Variants in CDK10 observed in about 807,000 individuals in gnomAD.
The protein encoded by CDK10 is cyclin-dependent kinase 10.
CDK10 carries 55 observed loss-of-function variants against 51.0 expected under a neutral mutation model. The observed-to-expected ratio is 1.08, with a 90% CI of 0.87 to 1.35. The LOEUF (loss-of-function observed/expected upper bound fraction) is 1.35. CDK10 is among the 40% of genes most tolerant of loss of function. The pLI is 0.00. For missense variants in CDK10, 589 were observed against 485.1 expected (o/e 1.21, Z -2.01); for synonymous variants, 255 against 199.1 (o/e 1.28, Z -2.36).
Position 89,696,239 on chromosome 16 carries a change from T to G in CDK10, c.*547T>G. ...TACCCCGAGACTACCAGGAGAGCCC[T>G]GGGCTGGAGGCTGAGCTGCATCCCT... On this transcript the variant is annotated 3_prime_UTR_variant, in exon 13 of 13. Transcript: ENST00000353379. 1 of 250,358 alleles carries G rather than the reference T, an allele frequency of 4.0e-6. No homozygotes were observed. Among genetic ancestry groups the G allele is most frequent in the Non-Finnish European group, 7.9e-6 (1 of 127,154 alleles). The allele number at this position is 250,358 out of a possible 1,614,324, so 15.5% of individuals were successfully genotyped here.
intron 5 of CDK10, chr16:89,692,132 G>GC: frequency 1.8e-6 from 1 of 569,532 alleles, no homozygotes; most frequent in Non-Finnish European, 3.1e-6. Flanking sequence ...GGAGCAGGCA[G>GC]CCCCGGGGCT....
intron 3 of CDK10, among the ~76,000 whole-genome samples, chr16:89,690,922 G>A (rs1024704853): frequency 1.3e-5 from 2 of 152,016 alleles, no homozygotes; most frequent in Admixed American, 6.6e-5. Flanking sequence ...GCAGGGCCCT[G>A]CCATGCCCCA....
intron 5 of CDK10, 166 bp downstream of exon 5, chr16:89,692,053 G>T: frequency 1.6e-6 from 1 of 640,196 alleles, no homozygotes; most frequent in Non-Finnish European, 2.7e-6. Context: ...CTGTGGTGGG[G>T]GCATCTGCTG....
Position 89,695,933 on chromosome 16 carries a change from T to C in CDK10, c.*241T>C. On this transcript the variant is annotated 3_prime_UTR_variant, in exon 13 of 13. Coordinates refer to ENST00000353379, the MANE Select transcript of CDK10 (RefSeq NM_052988.5). Reference sequence around the variant, plus strand: ...ACCCTGGAAGGGCAGGTCTGGCGGCTCCATCCGTGGCTGCAGGGGTCTCAT... The same window carrying C: ...ACCCTGGAAGGGCAGGTCTGGCGGCCCCATCCGTGGCTGCAGGGGTCTCAT... 3 of 766,118 alleles carry C rather than the reference T, an allele frequency of 3.9e-6. No homozygotes were observed. Among genetic ancestry groups the C allele is most frequent in the Non-Finnish European group, 6.4e-6 (3 of 467,904 alleles). The allele number at this position is 766,118 out of a possible 1,614,324, so 47.5% of individuals were successfully genotyped here.
intron 6 of CDK10, 84 bp downstream of exon 6, chr16:89,692,600 G>C: frequency 2.9e-6 from 3 of 1,022,736 alleles, no homozygotes; most frequent in Non-Finnish European, 4.2e-6. Context: ...TAAAAGCTCA[G>C]GGGTTCCCAG....
At chr16:89,694,502 G>T in intron 9 of CDK10, 163 bp from the exon 10 acceptor site, 2 of 1,319,286 alleles carry the variant, frequency 1.5e-6, no homozygotes, top group Non-Finnish European at 2.1e-6. Flanking sequence ...CGGGGCCCAG[G>T]AGGGGAGCCA....
At chr16:89,691,076 G>A (rs529601139) in intron 3 of CDK10, among the ~76,000 whole-genome samples, 1 of 152,226 alleles carries the variant, frequency 6.6e-6, no homozygotes, top group Admixed American at 6.5e-5. Context: ...ACCTGAGGTC[G>A]GCAGTTCAAG....
intron 1 of CDK10, 33 bp from the exon 2 acceptor site, chr16:89,689,219 A>C (rs746211058): frequency 1.2e-6 from 2 of 1,610,022 alleles, no homozygotes; most frequent in Non-Finnish European, 1.7e-6. Flanking sequence ...TCAGCTGCCA[A>C]ATTTCCACAC....
Position 89,693,537 on chromosome 16 carries a change from C to T in CDK10, c.608+70C>T, listed in dbSNP as rs144796155. ...CTGGTGGAGGTCTCCTTGGGGATGT[C>T]AGGCCGAAGCTGCAACTGGCCTTGG... On this transcript the variant is annotated intron_variant, in intron 8 of 12. Transcript: ENST00000353379. 99 of 1,479,624 alleles carry T rather than the reference C, an allele frequency of 6.7e-5. 3 individuals are homozygous for T. The African/African-American group carries it at 1.2e-3, about 17-fold the overall frequency. 91.7% of individuals were successfully genotyped at this position (1,479,624 alleles called of 1,614,324 possible). A position where few individuals can be genotyped will look rare whatever the true frequency, so the allele number is the denominator to read the frequency against.
Position 89,694,088 on chromosome 16 carries a change from A to C in CDK10, c.609-85A>C. On this transcript the variant is annotated intron_variant, in intron 8 of 12. Coordinates refer to ENST00000353379, the MANE Select transcript of CDK10 (RefSeq NM_052988.5). ...TTGGGACAGGTTTCCAGGCCACCAC[A>C]GGCTCTCGGGGAGGCTGTGTCCTGT... 2.2e-6 allele frequency: 3 copies of C among 1,392,262 alleles called. No individual in the cohort carries two copies. The South Asian group carries it at 3.5e-5, about 16-fold the overall frequency. 86.2% of individuals were successfully genotyped at this position (1,392,262 alleles called of 1,614,324 possible). A position where few individuals can be genotyped will look rare whatever the true frequency, so the allele number is the denominator to read the frequency against.
chr16:89,690,612 AAGG>A lies in CDK10; in HGVS notation c.223_225del (p.Glu75del). On this transcript the variant is annotated inframe_deletion, in exon 3 of 13. Transcript: ENST00000353379. The stretch of plus-strand genomic sequence containing the variant: ...CGCACTGAAGAAGGTGCGGATGGAC[AAGG>A]AGAAGGATGGTGAGCAGGAAATTGG... The A allele has an allele frequency of 6.2e-7, 1 of 1,614,010 alleles. No individual in the cohort carries two copies. Among genetic ancestry groups the A allele is most frequent in the Non-Finnish European group, 8.5e-7 (1 of 1,179,892 alleles).
chr16:89,691,991 G>T, intron 5 of CDK10, 104 bp downstream of exon 5: 1 of 870,094 alleles, frequency 1.1e-6, no homozygotes, highest in Non-Finnish European at 1.8e-6. Flanking sequence ...AGCTGCTGCT[G>T]CCTCTGCCTC....
intron 4 of CDK10, 103 bp from the exon 5 acceptor site, chr16:89,691,702 GA>G: frequency 7.7e-7 from 1 of 1,302,504 alleles, no homozygotes; most frequent in South Asian, 1.2e-5. Flanking sequence ...GTCTGAGGGG[GA>G]CACAGGTTGT....
At position 89,691,546 on chromosome 16, in the gene CDK10, G is replaced by A; in HGVS notation, c.335+1G>A. The A allele has an allele frequency of 1.2e-6, 2 of 1,610,318 alleles. No homozygotes were observed. The highest frequency in any genetic ancestry group is 1.7e-6 in the Non-Finnish European group (2 of 1,176,808). On this transcript the variant is annotated splice_donor_variant, in intron 4 of 12. Coordinates refer to ENST00000353379, the MANE Select transcript of CDK10 (RefSeq NM_052988.5). LOFTEE classifies it high-confidence loss of function. ...TGGTTGTGGGGAACCACCTGGAGAG[G>A]TACGTGGTCTCCTGGTCTGCACATT...
At chr16:89,693,238 C>T (rs1056612716) in intron 6 of CDK10, 36 bp from the exon 7 acceptor site, 1 of 1,611,488 alleles carries the variant, frequency 6.2e-7, no homozygotes, top group East Asian at 2.2e-5. Flanking sequence ...CCCTGTGGCC[C>T]TCTGGGAGCC....
At position 89,693,429 on chromosome 16, in the gene CDK10, C is replaced by T. The variant is rs779845266; in HGVS notation, c.570C>T (p.Val190=). ...ADFGLARAYG[V]PVKPMTPKVV... ...TCGGCCTGGCCCGGGCCTATGGTGTCCCAGTAAAGCCAATGACCCCCAAGG... is the reference window on the plus strand; with the variant it reads ...TCGGCCTGGCCCGGGCCTATGGTGTTCCAGTAAAGCCAATGACCCCCAAGG... The change falls in exon 8 of 13, where the codon GTC becomes GTT. Residue 190 remains valine (V), a synonymous_variant. Coordinates refer to ENST00000353379, the MANE Select transcript of CDK10 (RefSeq NM_052988.5). 3.1e-6 allele frequency: 5 copies of T among 1,614,158 alleles called. No homozygotes were observed. The Middle Eastern group carries it at 6.6e-4, about 213-fold the overall frequency.
chr16:89,696,083 C>A lies in CDK10; in HGVS notation c.*391C>A. The A allele has an allele frequency of 1.9e-6, 1 of 531,472 alleles. No homozygotes were observed. Among genetic ancestry groups the A allele is most frequent in the Non-Finnish European group, 3.4e-6 (1 of 292,422 alleles). 32.9% of individuals were successfully genotyped at this position (531,472 alleles called of 1,614,324 possible). A position where few individuals can be genotyped will look rare whatever the true frequency, so the allele number is the denominator to read the frequency against. ...CCTGGGATGAGAGGGCCCAGAAGAC[C>A]TTCGTATCCCCTCTCAGTCGCCCGG... On this transcript the variant is annotated 3_prime_UTR_variant, in exon 13 of 13. Transcript: ENST00000353379.
intron 1 of CDK10, 135 bp from the exon 2 acceptor site, chr16:89,689,117 G>T: frequency 5.5e-6 from 4 of 733,776 alleles, no homozygotes; most frequent in East Asian, 2.7e-5. Flanking sequence ...GAAAAAAAAA[G>T]CCCAAACGTG....
intron 12 of CDK10, 21 bp from the exon 13 acceptor site, chr16:89,695,574 A>T: frequency 1.9e-6 from 3 of 1,593,342 alleles, no homozygotes; most frequent in Non-Finnish European, 2.6e-6. Flanking sequence ...CCCGCCCAGC[A>T]CTGAACCCTT....
Sources: gnomAD v4.1 joint callset for allele counts (sites outside exome capture counted in the v4.1 genomes callset) on GRCh38, gnomAD v4.1.1 for gene constraint, MANE v1.5 for transcripts, NCBI Gene and HGNC (gene_info 2026-07-23, HGNC 2026-07-21) for gene names.